The following GPC3 variants were observed in gnomAD, a reference collection of about 807,000 sequenced individuals.
GPC3 encodes glypican 3.
A neutral mutation model predicts 34.4 loss-of-function variants in GPC3; 3 were observed. The ratio of observed to expected loss-of-function variants is 0.09; its 90% confidence interval spans 0.04 to 0.23. The LOEUF (loss-of-function observed/expected upper bound fraction) is 0.23. Ranked by LOEUF, GPC3 falls within the 10% of genes least tolerant of loss-of-function variation. The pLI is 1.00. For missense variants in GPC3, 351 were observed against 445.6 expected, an observed-to-expected ratio of 0.79 and a Z score of 1.91; for synonymous variants, 177 against 174.0, an observed-to-expected ratio of 1.02 and a Z score of -0.13.
chrX:133,929,031 A>G (rs1007225300), intron 2 of GPC3, among the ~76,000 whole-genome samples: 1 of 112,013 alleles, frequency 8.9e-6, no homozygotes. Flanking sequence ...GTCAATGCCA[A>G]GGAGCTTTTC....
chrX:133,839,783 T>C (rs750704277), intron 2 of GPC3, among the ~76,000 whole-genome samples: 1 of 107,690 alleles, frequency 9.3e-6, no homozygotes, highest in African/African-American at 3.4e-5. Context: ...ACAAGAAAAA[T>C]TAGGCGTGGT....
At chrX:133,943,318 C>T (rs1408815338) in intron 2 of GPC3, among the ~76,000 whole-genome samples, 1 of 112,339 alleles carries the variant, frequency 8.9e-6, no homozygotes, top group African/African-American at 3.2e-5. Flanking sequence ...AAAAGACTAT[C>T]TATTCTGACA....
intron 4 of GPC3, 141 bp from the exon 5 acceptor site, chrX:133,692,635 C>T (rs2124431131): frequency 1.9e-6 from 1 of 523,922 alleles, no homozygotes; most frequent in Non-Finnish European, 3.2e-6. Context: ...TTCTTGGCTA[C>T]AAGGCCACAG....
intron 2 of GPC3, among the ~76,000 whole-genome samples, chrX:133,907,179 C>T (rs994388962): frequency 9.0e-6 from 1 of 110,832 alleles, no homozygotes; most frequent in Admixed American, 9.6e-5. Context: ...TCATGACATA[C>T]GTTTACATAT....
intron 3 of GPC3, among the ~76,000 whole-genome samples, chrX:133,708,485 T>C (rs2071236507): frequency 1.8e-5 from 2 of 111,676 alleles, no homozygotes; most frequent in African/African-American, 6.5e-5. Context: ...TTAACCCATT[T>C]TGTGTTAATT....
At chrX:133,664,172 A>G (rs2070750655) in intron 5 of GPC3, among the ~76,000 whole-genome samples, 2 of 112,572 alleles carry the variant, frequency 1.8e-5, no homozygotes, top group Admixed American at 1.9e-4. Flanking sequence ...AGATAATGAA[A>G]AGTGAAGATG....
In GPC3 at chrX:133,769,258, T is replaced by C. The variant is rs76421136; in HGVS notation, c.338-15082A>G. ...AGGGCAAAACAGAGAGGTATCATCA[T>C]TCAATTGGTACAAAGTTTCAGTTAC... On this transcript the variant is annotated intron_variant, in intron 2 of 7. Coordinates refer to ENST00000370818, the MANE Select transcript of GPC3 (RefSeq NM_004484.4). Among the ~76,000 whole-genome samples the C allele has an allele frequency of 4.6e-4, 52 of 112,143 alleles. 1 individual carries two copies. The East Asian group carries it at 0.014, about 30-fold the overall frequency.
chrX:133,955,415 G>A (rs905596305), intron 1 of GPC3, among the ~76,000 whole-genome samples: 1 of 110,600 alleles, frequency 9.0e-6, no homozygotes, highest in African/African-American at 3.3e-5. Context: ...TGGCTTTTCC[G>A]GCCTCCTTCA....
intron 2 of GPC3, among the ~76,000 whole-genome samples, chrX:133,878,538 A>G (rs1231404871): frequency 8.9e-6 from 1 of 112,574 alleles, no homozygotes. Context: ...GTGTTTCTGA[A>G]AAGAACTGTG....
intron 4 of GPC3, 92 bp from the exon 5 acceptor site, chrX:133,692,586 T>C: frequency 1.3e-6 from 1 of 790,534 alleles, no homozygotes; most frequent in Non-Finnish European, 1.9e-6. Flanking sequence ...AGAAAGGCTC[T>C]GCCAGGCTGA....
chrX:133,730,384 G>T (rs2071450894), intron 3 of GPC3, among the ~76,000 whole-genome samples: 1 of 111,534 alleles, frequency 9.0e-6, no homozygotes, highest in South Asian at 3.8e-4. Context: ...ATATTGATTT[G>T]CTTAGACTTA....
chrX:133,587,472 T>C (rs1049057704), intron 7 of GPC3, among the ~76,000 whole-genome samples: 5 of 111,745 alleles, frequency 4.5e-5, no homozygotes, highest in Non-Finnish European at 7.5e-5. Flanking sequence ...AGTAGTGAGA[T>C]TGCTGGATCA....
At chrX:133,978,612 C>T (rs2076526046) in intron 1 of GPC3, among the ~76,000 whole-genome samples, 1 of 111,544 alleles carries the variant, frequency 9.0e-6, no homozygotes, top group Non-Finnish European at 1.9e-5. Context: ...TAAAAAAAAA[C>T]TGGTTACTTT....
chrX:133,943,908 A>T (rs568743471), intron 2 of GPC3, among the ~76,000 whole-genome samples: 2 of 111,892 alleles, frequency 1.8e-5, no homozygotes, highest in African/African-American at 6.5e-5. Context: ...GCAAAACCCC[A>T]TTATCCAGAC....
chrX:133,778,181 A>G (rs2072007732), intron 2 of GPC3, among the ~76,000 whole-genome samples: 1 of 111,901 alleles, frequency 8.9e-6, no homozygotes, highest in African/African-American at 3.3e-5. Flanking sequence ...CAAAAGCAGG[A>G]GAGACTTGAA....
At chrX:133,538,589 GA>G (rs1304239632) in intron 7 of GPC3, among the ~76,000 whole-genome samples, 2 of 108,240 alleles carry the variant, frequency 1.8e-5, no homozygotes, top group African/African-American at 3.4e-5. Context: ...GGCAAACCCA[GA>G]AGTTTTGTTA....
At chrX:133,714,813 A>G (rs1180899065) in intron 3 of GPC3, among the ~76,000 whole-genome samples, 1 of 111,691 alleles carries the variant, frequency 9.0e-6, no homozygotes, top group Admixed American at 9.5e-5. Context: ...GTCAGTAGGA[A>G]CAGTGAGCGT....
At chrX:133,885,329 T>G (rs994497378) in intron 2 of GPC3, among the ~76,000 whole-genome samples, 1 of 111,755 alleles carries the variant, frequency 8.9e-6, no homozygotes, top group Non-Finnish European at 1.9e-5. Context: ...CATTTAATCT[T>G]TAAAATATTA....
intron 4 of GPC3, among the ~76,000 whole-genome samples, chrX:133,695,292 CAG>C (rs1027698476): frequency 2.7e-5 from 3 of 112,033 alleles, no homozygotes; most frequent in Non-Finnish European, 3.8e-5. Flanking sequence ...CTAAAGGGTA[CAG>C]AGTTTCTTCC....
Sources: allele counts gnomAD v4.1 joint callset (sites outside exome capture counted in the v4.1 genomes callset), GRCh38; gene constraint gnomAD v4.1.1; transcripts MANE v1.5; gene names NCBI Gene and HGNC (gene_info 2026-07-23, HGNC 2026-07-21).